ZNF892: variants seen among roughly 807,000 people sequenced by gnomAD.
ZNF892 encodes zinc finger protein 892.
the ZNF892 span, among the ~76,000 whole-genome samples, chr2:95,252,422 T>C: frequency 6.6e-6 from 1 of 152,106 alleles, no homozygotes; most frequent in Non-Finnish European, 1.5e-5. Context: ...AACTCATCAT[T>C]TTTTATGGCT....
the ZNF892 span, among the ~76,000 whole-genome samples, chr2:95,262,014 A>C: frequency 2.0e-5 from 3 of 152,272 alleles, no homozygotes; most frequent in Non-Finnish European, 4.4e-5. Flanking sequence ...AAGGGAAAAG[A>C]GAAGACATGA....
chr2:95,251,314 T>C, the ZNF892 span, among the ~76,000 whole-genome samples: 3 of 152,218 alleles, frequency 2.0e-5, no homozygotes, highest in Non-Finnish European at 2.9e-5. Flanking sequence ...TTCCTTTCAG[T>C]CTGATCTTCC....
chr2:95,262,438 T>C, the ZNF892 span, among the ~76,000 whole-genome samples: 1 of 152,304 alleles, frequency 6.6e-6, no homozygotes, highest in South Asian at 2.1e-4. Flanking sequence ...CCTGTAGCTA[T>C]GTGTGGCCTT....
the ZNF892 span, among the ~76,000 whole-genome samples, chr2:95,220,075 C>T: frequency 4.6e-5 from 7 of 152,166 alleles, no homozygotes; most frequent in East Asian, 3.9e-4. Context: ...GTAGGGGGGA[C>T]GCTGCCAGGG....
the ZNF892 span, among the ~76,000 whole-genome samples, chr2:95,246,307 T>C: frequency 2.6e-5 from 4 of 152,202 alleles, no homozygotes; most frequent in African/African-American, 9.7e-5. Flanking sequence ...TCGATAAAAT[T>C]CAACATCACT....
chr2:95,243,086 G>A, the ZNF892 span, among the ~76,000 whole-genome samples: 5 of 152,180 alleles, frequency 3.3e-5, no homozygotes, highest in African/African-American at 7.2e-5. Context: ...TCCTAACCGC[G>A]AGTGATCCGC....
At chr2:95,206,640 A>G in the ZNF892 span, among the ~76,000 whole-genome samples, 1 of 152,218 alleles carries the variant, frequency 6.6e-6, no homozygotes, top group African/African-American at 2.4e-5. Flanking sequence ...GGTATGCCGG[A>G]CACGAACTCA....
the ZNF892 span, chr2:95,207,840 G>T: frequency 2.5e-6 from 1 of 398,740 alleles, no homozygotes; most frequent in Non-Finnish European, 4.4e-6. Context: ...CAGAGGTGAG[G>T]ATTTGGGAGT....
At chr2:95,249,650 C>T in the ZNF892 span, among the ~76,000 whole-genome samples, 2 of 152,032 alleles carry the variant, frequency 1.3e-5, no homozygotes, top group South Asian at 4.2e-4. Context: ...AGTATACCAG[C>T]ACATTTTACC....
chr2:95,228,285 C>T, the ZNF892 span, among the ~76,000 whole-genome samples: 3 of 152,164 alleles, frequency 2.0e-5, no homozygotes, highest in Non-Finnish European at 4.4e-5. Context: ...GACAGGAGGG[C>T]TGGGCTTGGT....
At chr2:95,248,060 C>T in the ZNF892 span, among the ~76,000 whole-genome samples, 32 of 152,306 alleles carry the variant, frequency 2.1e-4, no homozygotes, top group African/African-American at 6.3e-4. Context: ...CAACACTATT[C>T]ACAATAACAA....
At chr2:95,216,393 T>C in the ZNF892 span, among the ~76,000 whole-genome samples, 1 of 152,332 alleles carries the variant, frequency 6.6e-6, no homozygotes, top group South Asian at 2.1e-4. Flanking sequence ...AAGAGACCTT[T>C]GATGTGTTCA....
the ZNF892 span, among the ~76,000 whole-genome samples, chr2:95,240,339 A>T: frequency 6.6e-6 from 1 of 152,216 alleles, no homozygotes; most frequent in East Asian, 1.9e-4. Flanking sequence ...TGGCCCACAC[A>T]GGAGCAGCAC....
At chr2:95,243,334 C>G in the ZNF892 span, among the ~76,000 whole-genome samples, 2 of 151,706 alleles carry the variant, frequency 1.3e-5, no homozygotes, top group Non-Finnish European at 2.9e-5. Context: ...TGAGGAGCCC[C>G]TCTGCCTGGC....
At chr2:95,220,330 A>T in the ZNF892 span, among the ~76,000 whole-genome samples, 2 of 150,044 alleles carry the variant, frequency 1.3e-5, no homozygotes, top group Admixed American at 6.6e-5. Context: ...GGCTAAAAAA[A>T]GCAGATTTTT....
chr2:95,239,683 G>A, the ZNF892 span, among the ~76,000 whole-genome samples: 5 of 152,146 alleles, frequency 3.3e-5, no homozygotes, highest in Admixed American at 6.5e-5. Context: ...GCTGGAGTGC[G>A]ATAGTGCAAT....
chr2:95,238,831 A>G, the ZNF892 span, among the ~76,000 whole-genome samples: 1 of 152,234 alleles, frequency 6.6e-6, no homozygotes, highest in South Asian at 2.1e-4. Flanking sequence ...AGAGAGAAAG[A>G]GAACTAGAAT....
At chr2:95,222,702 G>A in the ZNF892 span, among the ~76,000 whole-genome samples, 24 of 152,088 alleles carry the variant, frequency 1.6e-4, no homozygotes, top group Non-Finnish European at 2.8e-4. Context: ...TGTAGTTTGT[G>A]GCTTGTCTTT....
chr2:95,218,400 A>G, the ZNF892 span, among the ~76,000 whole-genome samples: 1 of 152,238 alleles, frequency 6.6e-6, no homozygotes, highest in South Asian at 2.1e-4. Flanking sequence ...TGCCTTTCAG[A>G]AAACACTAGA....
Sources: allele counts gnomAD v4.1 joint callset (sites outside exome capture counted in the v4.1 genomes callset), GRCh38; gene constraint gnomAD v4.1.1; transcripts MANE v1.5; gene names NCBI Gene and HGNC (gene_info 2026-07-23, HGNC 2026-07-21).